APOOL: variants seen among roughly 807,000 people sequenced by gnomAD.
The protein encoded by APOOL is apolipoprotein O like, also known as MICOS complex subunit MIC27.
APOOL carries 12 observed loss-of-function variants against 23.1 expected under a neutral mutation model. That is an observed-to-expected ratio of 0.52 (90% CI 0.33 to 0.84). APOOL has a LOEUF of 0.84. Ranked by LOEUF, APOOL falls within the 40% of genes least tolerant of loss-of-function variation. The probability of loss-of-function intolerance (pLI) is 0.02; values close to 1 mark genes in which losing one functional copy is unlikely to be tolerated. For synonymous variants in APOOL, 77 were observed against 69.9 expected (o/e 1.10, Z -0.51); for missense variants, 212 against 199.6 (o/e 1.06, Z -0.37).
chrX:85,084,142 T>A (rs1177664116), intron 8 of APOOL, among the ~76,000 whole-genome samples: 1 of 101,722 alleles, frequency 9.8e-6, no homozygotes, highest in East Asian at 3.1e-4. Flanking sequence ...AGCTTTTTTT[T>A]TTTTTTTTTT....
In APOOL at chrX:85,090,845, A is replaced by G. The variant is rs1924496812; in HGVS notation, c.*3167A>G. On this transcript the variant is annotated 3_prime_UTR_variant, in exon 9 of 9. Coordinates refer to ENST00000373173, the MANE Select transcript of APOOL (RefSeq NM_198450.6). ...CTGTCTTTTAGAGATAGGTATTGCT[A>G]TGTTGCCCAGGCTGGTCTCAAACTC... 2 of 111,893 alleles carry G rather than the reference A, an allele frequency of 1.8e-5. No individual in the cohort carries two copies. The highest frequency in any genetic ancestry group is 9.5e-5 in the Admixed American group (1 of 10,510). 9.2% of individuals were successfully genotyped at this position (111,893 alleles called of 1,213,427 possible).
chrX:85,077,016 T>TATAC (rs1169194451), intron 8 of APOOL, among the ~76,000 whole-genome samples: 1 of 95,291 alleles, frequency 1.0e-5, no homozygotes, highest in African/African-American at 4.2e-5. Flanking sequence ...TATATATATA[T>TATAC]ACGTATATAT....
chrX:85,036,853 C>A (rs1922234345), intron 1 of APOOL, among the ~76,000 whole-genome samples: 1 of 110,595 alleles, frequency 9.0e-6, no homozygotes, highest in African/African-American at 3.3e-5. Flanking sequence ...GCATCCCTCT[C>A]ATCCTTCCCC....
intron 6 of APOOL, among the ~76,000 whole-genome samples, chrX:85,072,965 T>C (rs140497956): frequency 0.015 from 1,674 of 111,918 alleles, 22 homozygotes; most frequent in African/African-American, 0.051. Flanking sequence ...CATATAGATC[T>C]ACTTCATCTT....
chrX:85,068,149 T>A (rs1158608059), intron 6 of APOOL, among the ~76,000 whole-genome samples: 1 of 111,992 alleles, frequency 8.9e-6, no homozygotes, highest in African/African-American at 3.2e-5. Context: ...GTAAACTTAT[T>A]TTTAAAACTC....
chrX:85,024,009 G>A (rs535831533), intron 1 of APOOL, among the ~76,000 whole-genome samples: 8 of 111,593 alleles, frequency 7.2e-5, no homozygotes, highest in South Asian at 3.8e-4. Flanking sequence ...GGACTTACTC[G>A]GTGAAGTCTA....
chrX:85,004,511 A>G (rs2042792277), intron 1 of APOOL, among the ~76,000 whole-genome samples: 1 of 112,268 alleles, frequency 8.9e-6, no homozygotes, highest in African/African-American at 3.2e-5. Context: ...CTCAGCTGGC[A>G]GCTTGCTGCA....
intron 5 of APOOL, among the ~76,000 whole-genome samples, chrX:85,063,198 G>A (rs1218037366): frequency 3.6e-5 from 4 of 111,373 alleles, no homozygotes; most frequent in Non-Finnish European, 7.5e-5. Context: ...AGCAAATTTT[G>A]CACTTTGATT....
At chrX:85,031,481 A>AC (rs1436225362) in intron 1 of APOOL, among the ~76,000 whole-genome samples, 1 of 112,023 alleles carries the variant, frequency 8.9e-6, no homozygotes, top group African/African-American at 3.2e-5. Flanking sequence ...TATATTTGTT[A>AC]AACACCGGAT....
At chrX:85,079,974 T>A (rs1924024686) in intron 8 of APOOL, among the ~76,000 whole-genome samples, 1 of 111,971 alleles carries the variant, frequency 8.9e-6, no homozygotes, top group South Asian at 3.7e-4. Context: ...ATTTGATTCT[T>A]CTCTCTTTTC....
intron 1 of APOOL, among the ~76,000 whole-genome samples, chrX:85,038,109 C>CT (rs959401716): frequency 3.6e-5 from 4 of 111,268 alleles, no homozygotes; most frequent in African/African-American, 1.3e-4. Context: ...TACTGAAATC[C>CT]TTTTTTGCGT....
At chrX:85,076,839 T>G (rs902873274) in intron 8 of APOOL, among the ~76,000 whole-genome samples, 2 of 107,919 alleles carry the variant, frequency 1.9e-5, no homozygotes, top group Admixed American at 2.0e-4. Context: ...AAATTTAGAA[T>G]TTGGTGTCAT....
intron 1 of APOOL, among the ~76,000 whole-genome samples, chrX:85,037,037 A>G (rs1922240643): frequency 8.9e-6 from 1 of 112,026 alleles, no homozygotes; most frequent in African/African-American, 3.2e-5. Flanking sequence ...TGCAGAGGCC[A>G]TTATTTCATT....
At chrX:85,065,685 A>G (rs936824202) in intron 5 of APOOL, among the ~76,000 whole-genome samples, 1 of 111,257 alleles carries the variant, frequency 9.0e-6, no homozygotes, top group Non-Finnish European at 1.9e-5. Flanking sequence ...GAGGATGACT[A>G]TAAGTCTTTC....
intron 4 of APOOL, among the ~76,000 whole-genome samples, chrX:85,055,091 T>A (rs561003143): frequency 9.8e-5 from 11 of 111,961 alleles, no homozygotes; most frequent in African/African-American, 3.6e-4. Flanking sequence ...ATGTTGAATG[T>A]TTCCATGAAG....
chrX:85,030,268 A>T (rs747193693), intron 1 of APOOL, among the ~76,000 whole-genome samples: 2 of 111,192 alleles, frequency 1.8e-5, no homozygotes, highest in South Asian at 7.7e-4. Flanking sequence ...GAAAACCAAA[A>T]ACCATATGTT....
At chrX:85,058,357 G>T (rs1253801902) in intron 5 of APOOL, among the ~76,000 whole-genome samples, 1 of 111,078 alleles carries the variant, frequency 9.0e-6, no homozygotes, top group Non-Finnish European at 1.9e-5. Flanking sequence ...GTTTGCTGAG[G>T]ATAATGGCTT....
At chrX:85,067,565 A>G (rs770190365) in intron 6 of APOOL, among the ~76,000 whole-genome samples, 58 of 109,614 alleles carry the variant, frequency 5.3e-4, no homozygotes, top group Non-Finnish European at 9.9e-4. Context: ...TTGGTTCAGC[A>G]GATTAACCTG....
chrX:85,010,019 T>G (rs905467020), intron 1 of APOOL, among the ~76,000 whole-genome samples: 1 of 111,947 alleles, frequency 8.9e-6, no homozygotes, highest in African/African-American at 3.2e-5. Flanking sequence ...ATGGTGTATA[T>G]GTACCAATTT....
Sources: gnomAD v4.1 joint callset for allele counts (sites outside exome capture counted in the v4.1 genomes callset) on GRCh38, gnomAD v4.1.1 for gene constraint, MANE v1.5 for transcripts, NCBI Gene and HGNC (gene_info 2026-07-23, HGNC 2026-07-21) for gene names.